BMAL1: variants seen among roughly 807,000 people sequenced by gnomAD.
BMAL1 encodes the protein basic helix-loop-helix ARNT-like protein 1.
the BMAL1 span, among the ~76,000 whole-genome samples, chr11:13,347,992 C>T: frequency 6.6e-6 from 1 of 152,164 alleles, no homozygotes; most frequent in Non-Finnish European, 1.5e-5. Flanking sequence ...AAATAAGGCC[C>T]TACCTGCCTG....
At chr11:13,381,059 C>T in the BMAL1 span, 2 of 1,232,742 alleles carry the variant, frequency 1.6e-6, no homozygotes, top group African/African-American at 3.0e-5. Flanking sequence ...GCTTGCCAAA[C>T]CCTAATCTAG....
chr11:13,295,192 CA>C, the BMAL1 span, among the ~76,000 whole-genome samples: 1 of 152,132 alleles, frequency 6.6e-6, no homozygotes, highest in East Asian at 1.9e-4. Flanking sequence ...GTTCCCAGGG[CA>C]TGCATTCATT....
the BMAL1 span, among the ~76,000 whole-genome samples, chr11:13,361,980 T>C: frequency 2.0e-5 from 3 of 152,236 alleles, no homozygotes; most frequent in African/African-American, 4.8e-5. Context: ...TGGTCACGCC[T>C]AGCTGCAGGG....
At chr11:13,348,522 G>T in the BMAL1 span, among the ~76,000 whole-genome samples, 2 of 152,088 alleles carry the variant, frequency 1.3e-5, no homozygotes, top group Non-Finnish European at 2.9e-5. Context: ...TGTGGGGGCT[G>T]TGGGGTGTGG....
the BMAL1 span, among the ~76,000 whole-genome samples, chr11:13,297,490 T>G: frequency 2.6e-5 from 4 of 152,232 alleles, no homozygotes; most frequent in African/African-American, 9.6e-5. Flanking sequence ...GGAGATGGGT[T>G]AGGAGGCAGT....
At chr11:13,365,698 C>T in the BMAL1 span, 2 of 835,338 alleles carry the variant, frequency 2.4e-6, no homozygotes, top group South Asian at 3.6e-5. Flanking sequence ...TGAACTTCTT[C>T]CAGAAAATTC....
At chr11:13,384,192 G>C in the BMAL1 span, among the ~76,000 whole-genome samples, 3 of 152,192 alleles carry the variant, frequency 2.0e-5, 1 homozygote, top group South Asian at 6.2e-4. Flanking sequence ...TAAAATCTGA[G>C]CTTTCAAGCA....
chr11:13,368,008 T>G, the BMAL1 span, among the ~76,000 whole-genome samples: 1 of 152,210 alleles, frequency 6.6e-6, no homozygotes, highest in South Asian at 2.1e-4. Flanking sequence ...GATAATCTCC[T>G]TCAAGTCATC....
the BMAL1 span, among the ~76,000 whole-genome samples, chr11:13,366,411 T>C: frequency 1.3e-5 from 2 of 152,192 alleles, no homozygotes; most frequent in Non-Finnish European, 2.9e-5. Context: ...ATTCCAAGAT[T>C]GTTGCCTTAG....
the BMAL1 span, chr11:13,355,052 G>T: frequency 1.9e-6 from 1 of 530,232 alleles, no homozygotes; most frequent in Non-Finnish European, 3.4e-6. Flanking sequence ...TTCTATATAT[G>T]TACAAACACC....
At chr11:13,380,836 G>T in the BMAL1 span, 1 of 192,244 alleles carries the variant, frequency 5.2e-6, no homozygotes. Context: ...GGCTTTGTCA[G>T]TGAGATGCTT....
chr11:13,315,379 C>T, the BMAL1 span, among the ~76,000 whole-genome samples: 1 of 152,222 alleles, frequency 6.6e-6, no homozygotes, highest in East Asian at 1.9e-4. Flanking sequence ...CTCACCATTC[C>T]CATGCCAGCA....
the BMAL1 span, among the ~76,000 whole-genome samples, chr11:13,278,334 A>G: frequency 6.6e-6 from 1 of 152,192 alleles, no homozygotes; most frequent in African/African-American, 2.4e-5. Context: ...CCTTGGGGGC[A>G]GTGACTCGGC....
At chr11:13,369,580 T>C in the BMAL1 span, 2 of 1,612,030 alleles carry the variant, frequency 1.2e-6, no homozygotes, top group East Asian at 4.5e-5. Flanking sequence ...CAGACAACAC[T>C]GCTCTCAGTT....
the BMAL1 span, among the ~76,000 whole-genome samples, chr11:13,320,543 A>G: frequency 6.6e-6 from 1 of 152,210 alleles, no homozygotes. Flanking sequence ...CTCCTTCTAC[A>G]AAGTAGGGAC....
chr11:13,375,598 C>T, the BMAL1 span: 1 of 1,549,796 alleles, frequency 6.5e-7, no homozygotes, highest in Non-Finnish European at 8.7e-7. Context: ...TCCATGTTTT[C>T]TTTACATTTT....
chr11:13,377,731 T>C, the BMAL1 span, among the ~76,000 whole-genome samples: 3 of 152,352 alleles, frequency 2.0e-5, no homozygotes, highest in African/African-American at 7.2e-5. Flanking sequence ...GTTTCATCTA[T>C]CATGCTCTCA....
At chr11:13,352,218 G>A in the BMAL1 span, among the ~76,000 whole-genome samples, 866 of 152,294 alleles carry the variant, frequency 5.7e-3, 6 homozygotes, top group Non-Finnish European at 0.01. Flanking sequence ...CTAAGGAGAC[G>A]ATGGAAGTTT....
At chr11:13,348,131 G>A in the BMAL1 span, among the ~76,000 whole-genome samples, 1 of 152,230 alleles carries the variant, frequency 6.6e-6, no homozygotes, top group Non-Finnish European at 1.5e-5. Context: ...TTCTCCAGGA[G>A]GTGTGCCCAC....
Sources: gnomAD v4.1 joint callset for allele counts (sites outside exome capture counted in the v4.1 genomes callset) on GRCh38, gnomAD v4.1.1 for gene constraint, MANE v1.5 for transcripts, NCBI Gene and HGNC (gene_info 2026-07-23, HGNC 2026-07-21) for gene names.